Variants in CSNK2A1 observed in about 807,000 individuals in gnomAD.
CSNK2A1 encodes casein kinase II subunit alpha.
CSNK2A1 carries 10 observed loss-of-function variants against 62.9 expected under a neutral mutation model. That is an observed-to-expected ratio of 0.16 (90% CI 0.10 to 0.27). The LOEUF is 0.27. CSNK2A1 is among the 10% of genes least tolerant of loss of function. CSNK2A1 has a pLI of 1.00. For synonymous variants in CSNK2A1, 124 were observed against 167.8 expected, an observed-to-expected ratio of 0.74 and a Z score of 2.02; for missense variants, 160 against 492.0, an observed-to-expected ratio of 0.33 and a Z score of 6.38.
chr20:536,054 A>C (rs189330535), intron 1 of CSNK2A1, among the ~76,000 whole-genome samples: 1 of 152,312 alleles, frequency 6.6e-6, no homozygotes, highest in East Asian at 1.9e-4. Context: ...TACCTTCTCT[A>C]TCTAGAAGCA....
rs1419351600 is a variant in CSNK2A1, at chr20:482,564, T to C, written c.*1397A>G. ...GGCCTCTCTGCTCTGCCCGGTACCATGGGTCGAACGAGGGGTGTATAAAAT... is the reference window on the plus strand; with the variant it reads ...GGCCTCTCTGCTCTGCCCGGTACCACGGGTCGAACGAGGGGTGTATAAAAT... On this transcript the variant is annotated 3_prime_UTR_variant, in exon 14 of 14. Coordinates refer to ENST00000217244, the MANE Select transcript of CSNK2A1 (RefSeq NM_177559.3). The C allele has an allele frequency of 1.3e-5, 2 of 152,158 alleles. No homozygotes were observed. Among genetic ancestry groups the C allele is most frequent in the African/African-American group, 4.8e-5 (2 of 41,362 alleles). 9.4% of individuals were successfully genotyped at this position (152,158 alleles called of 1,614,324 possible). A position where few individuals can be genotyped will look rare whatever the true frequency, so the allele number is the denominator to read the frequency against.
intron 13 of CSNK2A1, among the ~76,000 whole-genome samples, chr20:485,000 G>A (rs1280461885): frequency 4.1e-4 from 57 of 138,572 alleles, no homozygotes; most frequent in Non-Finnish European, 8.1e-4. Flanking sequence ...CCGGGAGGCG[G>A]AGGCTGCAGC....
intron 8 of CSNK2A1, chr20:494,101 C>A (rs1338305860): frequency 2.7e-5 from 4 of 149,704 alleles, no homozygotes; most frequent in African/African-American, 9.9e-5. Context: ...GATCTCGGCT[C>A]ACTGCAACCT....
chr20:484,847 A>T (rs898028061), intron 13 of CSNK2A1, among the ~76,000 whole-genome samples: 1 of 151,470 alleles, frequency 6.6e-6, no homozygotes, highest in African/African-American at 2.4e-5. Flanking sequence ...TGGGCGGATC[A>T]CCTGAGGTCA....
chr20:485,111 T>TAC (rs1568496684), intron 13 of CSNK2A1, among the ~76,000 whole-genome samples: 1 of 27,774 alleles, frequency 3.6e-5, no homozygotes, highest in African/African-American at 1.5e-4. Context: ...AAAAAAAAAA[T>TAC]ATATATATAT....
intron 12 of CSNK2A1, chr20:486,950 C>G (rs1480120468): frequency 1.1e-5 from 2 of 183,540 alleles, no homozygotes; most frequent in African/African-American, 4.7e-5. Flanking sequence ...AACCATCACA[C>G]CGAAGGAAAA....
At chr20:537,361 G>C (rs1328677701) in intron 1 of CSNK2A1, among the ~76,000 whole-genome samples, 2 of 152,100 alleles carry the variant, frequency 1.3e-5, no homozygotes, top group East Asian at 1.9e-4. Flanking sequence ...GCTACGTAGG[G>C]TTTTTTAATG....
chr20:537,380 T>C (rs920800062), intron 1 of CSNK2A1, among the ~76,000 whole-genome samples: 11 of 152,158 alleles, frequency 7.2e-5, no homozygotes, highest in Non-Finnish European at 2.9e-5. Context: ...TGTCTAAGAC[T>C]GAAAGACAGA....
chr20:510,939 C>G (rs1416220662), intron 2 of CSNK2A1, among the ~76,000 whole-genome samples: 1 of 151,912 alleles, frequency 6.6e-6, no homozygotes. Flanking sequence ...CCAGGCTGGT[C>G]TCAAACTCCT....
intron 2 of CSNK2A1, among the ~76,000 whole-genome samples, chr20:509,918 G>T (rs1398680554): frequency 6.6e-6 from 1 of 152,142 alleles, no homozygotes; most frequent in Non-Finnish European, 1.5e-5. Flanking sequence ...AGAAAAAGAG[G>T]AAGTGTCTAT....
At position 475,018 on chromosome 20, in the gene CSNK2A1, G is replaced by A. The variant is rs190446500; in HGVS notation, c.*8943C>T. ...ATGGAGAGTTTAACAAATAATTATA[G>A]AGCAAATACAACATTTAGGTACCAC... On this transcript the variant is annotated 3_prime_UTR_variant, in exon 14 of 14. Coordinates refer to ENST00000217244, the MANE Select transcript of CSNK2A1 (RefSeq NM_177559.3). 8 of 152,184 alleles carry A rather than the reference G, an allele frequency of 5.3e-5. No homozygotes were observed. In the East Asian group the frequency reaches 1.5e-3, roughly 29 times the overall value. The allele number at this position is 152,184 out of a possible 1,614,324, so 9.4% of individuals were successfully genotyped here.
chr20:495,631 C>T (rs2122531607), intron 8 of CSNK2A1, 88 bp downstream of exon 8: 1 of 1,105,032 alleles, frequency 9.0e-7, no homozygotes, highest in Non-Finnish European at 1.4e-6. Context: ...GGTACTAGGG[C>T]CTGTGACAAC....
rs573370751 is a variant in CSNK2A1, at chr20:484,694, T to TGTGTGTGTG, written c.1061-619_1061-618insCACACACAC. ...TTCTTCCACCTCTCTAATCATGTTT[T>TGTGTGTGTG]TGTGTGTGTGTGTGTGTGTGTGTGT... is the stretch of plus-strand genomic sequence containing the variant. On this transcript the variant is annotated intron_variant, in intron 13 of 13. Coordinates refer to ENST00000217244, the MANE Select transcript of CSNK2A1 (RefSeq NM_177559.3). Among the ~76,000 whole-genome samples, 675 of 147,708 alleles carry TGTGTGTGTG rather than the reference T, an allele frequency of 4.6e-3. 4 individuals carry two copies. Among genetic ancestry groups the TGTGTGTGTG allele is most frequent in the African/African-American group, 0.016 (643 of 39,840 alleles).
chr20:527,920 T>C lies in CSNK2A1; in HGVS notation c.-110+13A>G, dbSNP rs144362485. Reference sequence around the variant, plus strand: ...TTTAAACCAGGGGAAAAAGGTTTCCTACTATCACTTACCAAAGAGATGTGA... The same window carrying C: ...TTTAAACCAGGGGAAAAAGGTTTCCCACTATCACTTACCAAAGAGATGTGA... On this transcript the variant is annotated intron_variant, in intron 2 of 13. Coordinates refer to ENST00000217244, the MANE Select transcript of CSNK2A1 (RefSeq NM_177559.3). 1.3e-5 allele frequency: 2 copies of C among 152,346 alleles called. No individual in the cohort carries two copies. The highest frequency in any genetic ancestry group is 4.8e-5 in the African/African-American group (2 of 41,570). 9.4% of individuals were successfully genotyped at this position (152,346 alleles called of 1,614,324 possible). A position where few individuals can be genotyped will look rare whatever the true frequency, so the allele number is the denominator to read the frequency against.
At chr20:506,168 A>G (rs12479649) in intron 3 of CSNK2A1, 11,651 of 152,048 alleles carry the variant, frequency 0.077, 570 homozygotes, top group African/African-American at 0.13. Context: ...GAGCCACCGC[A>G]CCCGGCCGGA....
intron 3 of CSNK2A1, 132 bp from the exon 4 acceptor site, chr20:505,361 T>G (rs1206819050): frequency 5.0e-5 from 35 of 703,724 alleles, no homozygotes; most frequent in African/African-American, 4.3e-4. Context: ...GTTTTTTTTT[T>G]TTTTTTTTTT....
Position 483,925 on chromosome 20 carries a change from C to G in CSNK2A1, c.*36G>C, listed in dbSNP as rs775140146. On this transcript the variant is annotated 3_prime_UTR_variant, in exon 14 of 14. Coordinates refer to ENST00000217244, the MANE Select transcript of CSNK2A1 (RefSeq NM_177559.3). ...GCATCAAGGAGAGGGTGGACTCCCC[C>G]ACCTCTGCTCAGGCATCAGGAGACA... 1.3e-6 allele frequency: 2 copies of G among 1,589,018 alleles called. No individual in the cohort carries two copies. The highest frequency in any genetic ancestry group is 1.7e-6 in the Non-Finnish European group (2 of 1,168,884).
At chr20:524,445 TAAAC>T (rs1197029599) in intron 2 of CSNK2A1, among the ~76,000 whole-genome samples, 157 of 139,160 alleles carry the variant, frequency 1.1e-3, no homozygotes, top group African/African-American at 4.0e-3. Context: ...AAAAAATTAA[TAAAC>T]AAATAAATAA....
At chr20:501,184 C>G (rs1280091836) in intron 4 of CSNK2A1, 1 of 152,218 alleles carries the variant, frequency 6.6e-6, no homozygotes, top group Non-Finnish European at 1.5e-5. Context: ...CCTGCCTCAG[C>G]CTCCCGAGTA....
Sources: gnomAD v4.1 joint callset for allele counts (sites outside exome capture counted in the v4.1 genomes callset) on GRCh38, gnomAD v4.1.1 for gene constraint, MANE v1.5 for transcripts, NCBI Gene and HGNC (gene_info 2026-07-23, HGNC 2026-07-21) for gene names.